The following FHDC1 variants were observed in gnomAD, a reference collection of about 807,000 sequenced individuals.
The protein encoded by FHDC1 is FH2 domain-containing protein 1.
FHDC1 carries 25 observed loss-of-function variants against 52.6 expected under a neutral mutation model. That is an observed-to-expected ratio of 0.48 (90% confidence interval 0.35 to 0.66). The LOEUF (loss-of-function observed/expected upper bound fraction) is 0.66, where lower values mean the gene tolerates loss of function less well. Ranked by LOEUF, FHDC1 falls within the 30% of genes least tolerant of loss-of-function variation. FHDC1 has a pLI of 0.01. For missense variants in FHDC1, 1,459 were observed against 1,452.8 expected (o/e 1.00, Z -0.07); for synonymous variants, 616 against 581.5 (o/e 1.06, Z -0.85).
chr4:152,953,486 T>C lies in FHDC1; in HGVS notation c.499-13T>C. ...AATTTAGTAATCCTATGTGTCCTTA[T>C]TTTTTTTTCCAGATTACTATTTTGG... On this transcript the variant is annotated splice_polypyrimidine_tract_variant and intron_variant, in intron 2 of 11. Coordinates refer to ENST00000511601, the MANE Select transcript of FHDC1 (RefSeq NM_001371116.1). 1.3e-6 allele frequency: 2 copies of C among 1,574,052 alleles called. No homozygotes were observed. Among genetic ancestry groups the C allele is most frequent in the Non-Finnish European group, 1.7e-6 (2 of 1,150,478 alleles).
intron 2 of FHDC1, among the ~76,000 whole-genome samples, chr4:152,952,244 G>C (rs1236225312): frequency 6.6e-6 from 1 of 152,046 alleles, no homozygotes; most frequent in Non-Finnish European, 1.5e-5. Flanking sequence ...TGACTTTATT[G>C]GTTCTTTTAC....
chr4:152,920,340 T>C, the FHDC1 span, among the ~76,000 whole-genome samples: 1 of 152,194 alleles, frequency 6.6e-6, no homozygotes, highest in South Asian at 2.1e-4. Context: ...ACATAAAATG[T>C]GTCTTCCTTG....
chr4:152,918,967 C>T, the FHDC1 span, among the ~76,000 whole-genome samples: 1 of 152,246 alleles, frequency 6.6e-6, no homozygotes, highest in Non-Finnish European at 1.5e-5. Flanking sequence ...GATCAGGCTT[C>T]AAAGAGCTTG....
chr4:152,972,023 G>A (rs1740653709), intron 10 of FHDC1, among the ~76,000 whole-genome samples: 1 of 152,232 alleles, frequency 6.6e-6, no homozygotes, highest in Admixed American at 6.5e-5. Context: ...AAGAAGAACA[G>A]ATGCAAAATG....
rs779914313 is a variant in FHDC1, at chr4:152,975,835, G to T, written c.2544G>T (p.Leu848=). Residue 848 remains leucine, a synonymous_variant, in exon 12 of 12, where the codon CTG becomes CTT. Transcript: ENST00000511601. ...GTGAGCCCAGCTGCAAGGGCGGCCT[G>T]CCCAGGGACAAACCCACCAAAAGGA... is the stretch of plus-strand genomic sequence containing the variant. ...VDSEPSCKGG[L]PRDKPTKRKD... 2 of 1,518,422 alleles carry T rather than the reference G, an allele frequency of 1.3e-6. No homozygotes were observed. The highest frequency in any genetic ancestry group is 1.4e-5 in the African/African-American group (1 of 71,700). The allele number at this position is 1,518,422 out of a possible 1,614,324, so 94.1% of individuals were successfully genotyped here.
intron 8 of FHDC1, among the ~76,000 whole-genome samples, chr4:152,964,269 T>C (rs1238829000): frequency 1.3e-5 from 2 of 152,184 alleles, no homozygotes; most frequent in Non-Finnish European, 2.9e-5. Context: ...AAGGGCCATG[T>C]TTAGCTTGGG....
At chr4:152,926,977 G>T in the FHDC1 span, among the ~76,000 whole-genome samples, 18 of 152,310 alleles carry the variant, frequency 1.2e-4, no homozygotes, top group African/African-American at 3.8e-4. Flanking sequence ...CCCTGATTCG[G>T]CTACTTATCT....
chr4:152,925,290 G>A, the FHDC1 span, among the ~76,000 whole-genome samples: 2 of 152,060 alleles, frequency 1.3e-5, no homozygotes, highest in Non-Finnish European at 1.5e-5. Flanking sequence ...ACATAAATGC[G>A]TAGATGTATT....
In FHDC1 at chr4:152,967,985, C is replaced by G; in HGVS notation, c.1106C>G (p.Ser369Cys). ...LHHVQKTARL[S>C]LENTEAELHL... The stretch of plus-strand genomic sequence containing the variant: ...TCTCCCCTTTCTTCTTTTAGATTAT[C>G]TCTGGAGAACACGGAGGCAGAACTG... The change falls in exon 10 of 12, where the codon TCT becomes TGT. Residue 369 changes from serine (S) to cysteine (C), a missense_variant. Coordinates refer to ENST00000511601, the MANE Select transcript of FHDC1 (RefSeq NM_001371116.1). 1 of 1,612,428 alleles carries G rather than the reference C, an allele frequency of 6.2e-7. No individual in the cohort carries two copies. The highest frequency in any genetic ancestry group is 8.5e-7 in the Non-Finnish European group (1 of 1,179,184).
At chr4:152,913,273 G>T in the FHDC1 span, among the ~76,000 whole-genome samples, 1 of 152,216 alleles carries the variant, frequency 6.6e-6, no homozygotes, top group Non-Finnish European at 1.5e-5. Context: ...TGCAAAGTAT[G>T]CAAGATGCTT....
In FHDC1 at chr4:152,974,697, A is replaced by G; in HGVS notation, c.1406A>G (p.Gln469Arg). 1.3e-6 allele frequency: 2 copies of G among 1,510,784 alleles called. No individual in the cohort carries two copies. Among genetic ancestry groups the G allele is most frequent in the Non-Finnish European group, 1.8e-6 (2 of 1,129,782 alleles). 93.6% of individuals were successfully genotyped at this position (1,510,784 alleles called of 1,614,324 possible). The change falls in exon 12 of 12, where the codon CAG becomes CGG. Residue 469 changes from glutamine to arginine, a missense_variant. This residue lies in a region of FHDC1 where 513 missense variants were observed against 581.5 expected (regional missense o/e 0.88). Transcript: ENST00000511601. The stretch of plus-strand genomic sequence containing the variant: ...CAGGACAACCACGACCGGGAGGCGC[A>G]GGAGCTGAGGCAGCTGCAGAGGCTG... Reference protein sequence around the residue: ...AVKDNHDREAQELRQLQRLKE... With the variant: ...AVKDNHDREARELRQLQRLKE...
intron 9 of FHDC1, among the ~76,000 whole-genome samples, chr4:152,967,644 C>T (rs537497326): frequency 5.9e-5 from 9 of 152,252 alleles, no homozygotes; most frequent in Middle Eastern, 3.4e-3. Context: ...ATATGAATCC[C>T]GGAAGCCGCT....
intron 1 of FHDC1, among the ~76,000 whole-genome samples, chr4:152,941,645 T>C (rs999726129): frequency 1.3e-5 from 2 of 152,206 alleles, no homozygotes; most frequent in African/African-American, 4.8e-5. Context: ...CCACTCTTAT[T>C]CCCAAGGCAG....
chr4:152,933,321 T>C (rs965921503), upstream of FHDC1, among the ~76,000 whole-genome samples: 2 of 152,208 alleles, frequency 1.3e-5, no homozygotes, highest in South Asian at 4.1e-4. Context: ...GAAGAATAAA[T>C]TGTCTTCTAG....
At position 152,978,885 on chromosome 4, in the gene FHDC1, C is replaced by T. The variant is rs1561219983; in HGVS notation, c.*2162C>T. On this transcript the variant is annotated 3_prime_UTR_variant, in exon 12 of 12. Coordinates refer to ENST00000511601, the MANE Select transcript of FHDC1 (RefSeq NM_001371116.1). ...CGTTATGGCTGAAATAGTAAAGCAC[C>T]TGACCACAAAACCTCTTGTAAAAAC... 6.6e-6 allele frequency: 1 copy of T among 152,156 alleles called. No individual in the cohort carries two copies. 9.4% of individuals were successfully genotyped at this position (152,156 alleles called of 1,614,324 possible). A position where few individuals can be genotyped will look rare whatever the true frequency, so the allele number is the denominator to read the frequency against.
chr4:152,937,213 T>C (rs1739408815), intron 1 of FHDC1, among the ~76,000 whole-genome samples: 2 of 152,022 alleles, frequency 1.3e-5, no homozygotes, highest in African/African-American at 4.8e-5. Flanking sequence ...CGTGAGGCTT[T>C]TCCCCCGCGC....
At chr4:152,946,275 T>C (rs1425102178) in intron 2 of FHDC1, among the ~76,000 whole-genome samples, 1 of 152,216 alleles carries the variant, frequency 6.6e-6, no homozygotes, top group Non-Finnish European at 1.5e-5. Context: ...ACCATGACTG[T>C]GTATCATAAG....
chr4:152,961,637 C>G (rs1740286031), intron 6 of FHDC1, among the ~76,000 whole-genome samples: 1 of 152,150 alleles, frequency 6.6e-6, no homozygotes, highest in Admixed American at 6.5e-5. Flanking sequence ...TCAGTGCCAG[C>G]CTGATTTCCT....
chr4:152,960,880 T>G, intron 6 of FHDC1, 36 bp downstream of exon 6: 1 of 1,495,764 alleles, frequency 6.7e-7, no homozygotes, highest in Non-Finnish European at 9.0e-7. Context: ...GAATTTGTTT[T>G]TATTAATTTC....
Sources: allele counts gnomAD v4.1 joint callset (sites outside exome capture counted in the v4.1 genomes callset), GRCh38; gene constraint gnomAD v4.1.1; regional missense constraint gnomAD v4.1.1; transcripts MANE v1.5; gene names NCBI Gene and HGNC (gene_info 2026-07-23, HGNC 2026-07-21).